Variants in NFXL1 observed in about 807,000 individuals in gnomAD.
The protein encoded by NFXL1 is nuclear transcription factor, X-box binding like 1.
In NFXL1, 66 loss-of-function variants were observed where a neutral mutation model predicts 123.3. The ratio of observed to expected loss-of-function variants is 0.54; its 90% CI spans 0.44 to 0.66. NFXL1 has a LOEUF of 0.66. NFXL1 is among the 30% of genes least tolerant of loss of function. The pLI, the probability that NFXL1 is intolerant of heterozygous loss-of-function variation, is 0.00. For missense variants in NFXL1, 944 were observed against 1,125.6 expected (o/e 0.84, Z 2.31); for synonymous variants, 346 against 360.8 (o/e 0.96, Z 0.46).
chr4:47,850,106 T>C (rs1734040892), intron 22 of NFXL1, among the ~76,000 whole-genome samples: 1 of 152,062 alleles, frequency 6.6e-6, no homozygotes, highest in Non-Finnish European at 1.5e-5. Flanking sequence ...CCATGATGAT[T>C]TATAAAAAGA....
chr4:47,909,903 C>T (rs894694431), intron 3 of NFXL1, among the ~76,000 whole-genome samples: 1 of 152,112 alleles, frequency 6.6e-6, no homozygotes, highest in Admixed American at 6.5e-5. Flanking sequence ...TCAAGTGATC[C>T]CCCGGCCTCG....
At chr4:47,912,294 T>C (rs545859696) in intron 2 of NFXL1, among the ~76,000 whole-genome samples, 3 of 152,200 alleles carry the variant, frequency 2.0e-5, no homozygotes, top group Non-Finnish European at 4.4e-5. Flanking sequence ...GAAAACAGGC[T>C]GAACTGGACA....
At chr4:47,848,749 C>T (rs369777136) in intron 22 of NFXL1, among the ~76,000 whole-genome samples, 67 of 152,136 alleles carry the variant, frequency 4.4e-4, no homozygotes, top group African/African-American at 1.5e-3. Context: ...ATTAGCCGGG[C>T]ATGGTGGCGG....
chr4:47,851,973 T>C (rs773050410), intron 20 of NFXL1, 31 bp from the exon 21 acceptor site: 11 of 1,504,078 alleles, frequency 7.3e-6, no homozygotes, highest in South Asian at 2.3e-5. Flanking sequence ...AAATTTTAAA[T>C]GATTTTTCCC....
intron 22 of NFXL1, among the ~76,000 whole-genome samples, chr4:47,850,612 G>C (rs1014534458): frequency 2.4e-4 from 36 of 152,068 alleles, no homozygotes; most frequent in African/African-American, 8.7e-4. Flanking sequence ...TTATAATCCC[G>C]CATTTAAAGA....
At chr4:47,874,641 A>T (rs750102603) in intron 18 of NFXL1, among the ~76,000 whole-genome samples, 5 of 152,204 alleles carry the variant, frequency 3.3e-5, no homozygotes, top group Non-Finnish European at 7.3e-5. Context: ...TCGAAATGTG[A>T]CAGAGACACA....
chr4:47,889,018 T>A (rs1736616063), intron 12 of NFXL1, among the ~76,000 whole-genome samples: 1 of 152,190 alleles, frequency 6.6e-6, no homozygotes, highest in South Asian at 2.1e-4. Context: ...GACAGGGAAA[T>A]GCTTCCAACA....
chr4:47,855,065 T>A lies in NFXL1; in HGVS notation c.2415A>T (p.Ile805=). ...KVKLRCPCKR[I]KKELQCNKVR... ...AATAACTTAAAATATTTACCTTTTT[T>A]ATTCTTTTACAAGGACATCTAAGTT... Residue 805 remains isoleucine, a synonymous_variant, in exon 20 of 23, where the codon ATA becomes ATT. Coordinates refer to ENST00000507489, the MANE Select transcript of NFXL1 (RefSeq NM_001278624.2). The A allele has an allele frequency of 1.4e-6, 2 of 1,390,076 alleles. No individual in the cohort carries two copies. The highest frequency in any genetic ancestry group is 2.5e-5 in the South Asian group (2 of 78,482). The allele number at this position is 1,390,076 out of a possible 1,614,324, so 86.1% of individuals were successfully genotyped here. A position where few individuals can be genotyped will look rare whatever the true frequency, so the allele number is the denominator to read the frequency against.
chr4:47,860,193 T>C (rs1403820995), intron 19 of NFXL1, among the ~76,000 whole-genome samples: 1 of 152,192 alleles, frequency 6.6e-6, no homozygotes, highest in Non-Finnish European at 1.5e-5. Context: ...TGTATACATA[T>C]TTCAAAACAT....
At chr4:47,884,464 A>C (rs1336390282) in intron 14 of NFXL1, 27 bp from the exon 15 acceptor site, 2 of 1,386,762 alleles carry the variant, frequency 1.4e-6, no homozygotes, top group Non-Finnish European at 2.0e-6. Context: ...TAAGAATTTT[A>C]AGTCAGAGGG....
intron 8 of NFXL1, 46 bp from the exon 9 acceptor site, chr4:47,898,127 CA>C: frequency 6.9e-6 from 8 of 1,166,060 alleles, no homozygotes; most frequent in South Asian, 1.4e-5. Context: ...TAAAAGTTAA[CA>C]AAAAAAGACT....
Position 47,851,161 on chromosome 4 carries a change from A to G in NFXL1, c.2509-13T>C. 1 of 1,594,900 alleles carries G rather than the reference A, an allele frequency of 6.3e-7. No individual in the cohort carries two copies. Among genetic ancestry groups the G allele is most frequent in the Non-Finnish European group, 8.6e-7 (1 of 1,163,874 alleles). On this transcript the variant is annotated splice_polypyrimidine_tract_variant and intron_variant, in intron 21 of 22. Transcript: ENST00000507489. ...CTGCTTCTTTTATCTGTTTATACAC[A>G]TACAAAAGTCAATTTACAATTTAGT...
At chr4:47,850,513 ACT>A (rs1323772252) in intron 22 of NFXL1, among the ~76,000 whole-genome samples, 2 of 152,168 alleles carry the variant, frequency 1.3e-5, no homozygotes, top group South Asian at 2.1e-4. Context: ...AAGTCAAGCC[ACT>A]CTTTCAAGTG....
intron 3 of NFXL1, among the ~76,000 whole-genome samples, chr4:47,905,612 C>G (rs1227759337): frequency 6.6e-6 from 1 of 152,044 alleles, no homozygotes; most frequent in African/African-American, 2.4e-5. Flanking sequence ...TGTTAGAATT[C>G]TCAACAAATT....
chr4:47,911,645 A>T (rs1200290504), intron 2 of NFXL1, among the ~76,000 whole-genome samples: 1 of 152,240 alleles, frequency 6.6e-6, no homozygotes, highest in Non-Finnish European at 1.5e-5. Flanking sequence ...CATGGAAAAC[A>T]TGTTTCTTCC....
intron 19 of NFXL1, among the ~76,000 whole-genome samples, chr4:47,860,641 A>T (rs576703131): frequency 8.1e-4 from 124 of 152,396 alleles, no homozygotes; most frequent in Non-Finnish European, 1.5e-3. Flanking sequence ...AACATAAATA[A>T]GAGTTTATCA....
At chr4:47,860,307 TC>T (rs1250462793) in intron 19 of NFXL1, among the ~76,000 whole-genome samples, 1 of 152,158 alleles carries the variant, frequency 6.6e-6, no homozygotes, top group Non-Finnish European at 1.5e-5. Flanking sequence ...AAATAAAACT[TC>T]CATTTTGTTC....
intron 5 of NFXL1, among the ~76,000 whole-genome samples, chr4:47,900,440 C>T (rs1737310562): frequency 6.6e-6 from 1 of 152,178 alleles, no homozygotes; most frequent in Non-Finnish European, 1.5e-5. Context: ...TAACTCCTGA[C>T]CTCAAGTGAT....
In NFXL1 at chr4:47,890,698, G is replaced by GCTCTT; in HGVS notation, c.1457_1458insAAGAG (p.Cys486Ter). ...GATCACAAGGTGGACAGTTTCCAGG[G>GCTCTT]CAACACTGAAGAGAAAGCAATATAT... is the stretch of plus-strand genomic sequence containing the variant. On this transcript the variant is annotated stop_gained and frameshift_variant, in exon 12 of 23. Transcript: ENST00000507489. LOFTEE classifies it high-confidence loss of function. 6.3e-7 allele frequency: 1 copy of GCTCTT among 1,598,950 alleles called. No homozygotes were observed. Among genetic ancestry groups the GCTCTT allele is most frequent in the Non-Finnish European group, 8.6e-7 (1 of 1,166,760 alleles).
Sources: gnomAD v4.1 joint callset for allele counts (sites outside exome capture counted in the v4.1 genomes callset) on GRCh38, gnomAD v4.1.1 for gene constraint, MANE v1.5 for transcripts, NCBI Gene and HGNC (gene_info 2026-07-23, HGNC 2026-07-21) for gene names.